The following MAPRE3 variants were observed in gnomAD, a reference collection of about 807,000 sequenced individuals.
MAPRE3 encodes the protein microtubule-associated protein RP/EB family member 3.
In MAPRE3, 2 loss-of-function variants were observed where a neutral mutation model predicts 30.5. That is an observed-to-expected ratio of 0.07 (90% CI 0.03 to 0.21). The LOEUF (loss-of-function observed/expected upper bound fraction) is 0.21, where lower values mean the gene tolerates loss of function less well. Among genes scored for constraint, MAPRE3 ranks in the 10% least tolerant of loss-of-function variants. MAPRE3 has a pLI of 1.00. For missense variants in MAPRE3, 204 were observed against 351.8 expected, an observed-to-expected ratio of 0.58 and a Z score of 3.36; for synonymous variants, 110 against 127.7, an observed-to-expected ratio of 0.86 and a Z score of 0.93.
rs936126887 is a variant in MAPRE3 at position 27,022,322 on chromosome 2, T to C, written c.104T>C (p.Ile35Thr). 1.2e-6 allele frequency: 2 copies of C among 1,614,070 alleles called. No homozygotes were observed. The highest frequency in any genetic ancestry group is 8.5e-7 in the Non-Finnish European group (1 of 1,180,008). ...TCCCTGCACCTCAACTATACCAAGA[T>C]AGAACAGCTTTGTTCAGGTAGGAGG... ...NDSLHLNYTK[I>T]EQLCSGAAYC... The change falls in exon 2 of 7, where the codon ATA becomes ACA. Residue 35 changes from isoleucine (I) to threonine (T), a missense_variant. Ile to Thr is a moderately conservative substitution (Grantham distance 89, BLOSUM62 -1). Around this residue, in one of 5 missense-constraint regions of MAPRE3, gnomAD observed 101 missense variants for 205.4 expected, o/e 0.49. Coordinates refer to ENST00000233121, the MANE Select transcript of MAPRE3 (RefSeq NM_012326.4).
At position 26,995,780 on chromosome 2, in the gene MAPRE3, GGTGTGTGTGT is replaced by G. The variant is rs1276648645; in HGVS notation, c.-8+25019_-8+25028del. On this transcript the variant is annotated intron_variant, in intron 1 of 6. Coordinates refer to ENST00000233121, the MANE Select transcript of MAPRE3 (RefSeq NM_012326.4). Reference sequence around the variant, plus strand: ...AATACCTGAGGGTCTTTCTAAGAGAGGTGTGTGTGTGTGTGTGTGTGTGTGTGTGTGTGTG... The same window carrying G: ...AATACCTGAGGGTCTTTCTAAGAGAGGTGTGTGTGTGTGTGTGTGTGTGTG... Among the ~76,000 whole-genome samples, 737 of 109,690 alleles carry G rather than the reference GGTGTGTGTGT, an allele frequency of 6.7e-3. 2 individuals are homozygous for G. The highest frequency in any genetic ancestry group is 0.014 in the African/African-American group (401 of 28,438). The allele number at this position is 109,690 out of a possible 152,430, so 72.0% of individuals were successfully genotyped here. A position where few individuals can be genotyped will look rare whatever the true frequency, so the allele number is the denominator to read the frequency against.
chr2:27,013,873 G>A (rs1039609634), intron 1 of MAPRE3: 2 of 152,234 alleles, frequency 1.3e-5, no homozygotes, highest in Non-Finnish European at 2.9e-5. Flanking sequence ...GCGTGATGGT[G>A]AACCTTTGGC....
At chr2:26,983,636 G>GT in intron 1 of MAPRE3, among the ~76,000 whole-genome samples, 1 of 152,276 alleles carries the variant, frequency 6.6e-6, no homozygotes, top group Middle Eastern at 3.4e-3. Flanking sequence ...AACTCAGATG[G>GT]TTCTCCCAGT....
intron 1 of MAPRE3, among the ~76,000 whole-genome samples, chr2:26,997,752 T>C (rs781488490): frequency 7.2e-5 from 11 of 152,216 alleles, no homozygotes; most frequent in Non-Finnish European, 1.3e-4. Context: ...GCAGGGTACA[T>C]ATATGCTTAA....
In MAPRE3 at chr2:27,007,485, C is replaced by T. The variant is rs534470119; in HGVS notation, c.-7-14727C>T. ...CTGGGATAAATTATGTTCTGCATAA[C>T]GAACTTTATTTTGACAATATTTTAG... On this transcript the variant is annotated intron_variant, in intron 1 of 6. Coordinates refer to ENST00000233121, the MANE Select transcript of MAPRE3 (RefSeq NM_012326.4). Among the ~76,000 whole-genome samples the T allele has an allele frequency of 1.4e-4, 21 of 152,300 alleles. No individual in the cohort carries two copies. In the East Asian group the frequency reaches 2.9e-3, roughly 21 times the overall value.
At chr2:27,025,238 G>A (rs919012835) in intron 4 of MAPRE3, among the ~76,000 whole-genome samples, 33 of 152,296 alleles carry the variant, frequency 2.2e-4, no homozygotes, top group South Asian at 1.7e-3. Context: ...CTATGAGTAC[G>A]AGAGGGTCCC....
intron 1 of MAPRE3, chr2:27,013,672 C>T (rs1341687139): frequency 1.3e-5 from 2 of 152,232 alleles, no homozygotes; most frequent in Non-Finnish European, 2.9e-5. Context: ...GCTTCAAAAG[C>T]ACAGCTCTGT....
chr2:26,981,328 G>A (rs1480437592), intron 1 of MAPRE3, among the ~76,000 whole-genome samples: 1 of 152,048 alleles, frequency 6.6e-6, no homozygotes, highest in Non-Finnish European at 1.5e-5. Context: ...ATGCAGTGAA[G>A]TAGCTGGCCC....
intron 1 of MAPRE3, among the ~76,000 whole-genome samples, chr2:26,989,515 CCTT>C (rs1487874669): frequency 6.6e-6 from 1 of 152,142 alleles, no homozygotes; most frequent in Non-Finnish European, 1.5e-5. Flanking sequence ...CTCTATGTAT[CCTT>C]CTGTAAAATG....
At position 27,025,659 on chromosome 2, in the gene MAPRE3, C is replaced by T. The variant is rs778203854; in HGVS notation, c.546C>T (p.Cys182=). 2 of 1,612,364 alleles carry T rather than the reference C, an allele frequency of 1.2e-6. No individual in the cohort carries two copies. Among genetic ancestry groups the T allele is most frequent in the Non-Finnish European group, 1.7e-6 (2 of 1,179,054 alleles). ...SGRLSNVAPP[C]ILRKNPPSAR... ...GGCTGAGCAATGTGGCCCCCCCCTG[C>T]ATTCTCCGGAAGAATCCTCCATCAG... Residue 182 remains cysteine, a synonymous_variant, in exon 5 of 7, where the codon TGC becomes TGT. Transcript: ENST00000233121.
At chr2:27,003,795 A>G (rs1302668389) in intron 1 of MAPRE3, among the ~76,000 whole-genome samples, 3 of 152,016 alleles carry the variant, frequency 2.0e-5, no homozygotes, top group Non-Finnish European at 4.4e-5. Flanking sequence ...CCTTCTCCTT[A>G]CCTAATTTCA....
chr2:27,010,590 G>A (rs979053220), intron 1 of MAPRE3, among the ~76,000 whole-genome samples: 28 of 151,898 alleles, frequency 1.8e-4, no homozygotes, highest in African/African-American at 3.9e-4. Flanking sequence ...TTACAGGTGC[G>A]TGTCACCATA....
intron 1 of MAPRE3, among the ~76,000 whole-genome samples, chr2:27,003,704 A>T (rs1182845445): frequency 5.3e-5 from 8 of 152,174 alleles, no homozygotes; most frequent in Admixed American, 3.3e-4. Context: ...TTTCCCCATG[A>T]GAGGGTGCTG....
chr2:27,005,141 C>G (rs984236347), intron 1 of MAPRE3, among the ~76,000 whole-genome samples: 5 of 152,104 alleles, frequency 3.3e-5, no homozygotes, highest in African/African-American at 4.8e-5. Context: ...ATATATCATG[C>G]CCTTTGACCC....
intron 1 of MAPRE3, among the ~76,000 whole-genome samples, chr2:26,996,115 A>AATTTTATTTT (rs60224906): frequency 0.061 from 8,025 of 130,620 alleles, 302 homozygotes; most frequent in African/African-American, 0.07. Flanking sequence ...AGAAGATAGG[A>AATTTTATTTT]ATTTTATTTT....
intron 1 of MAPRE3, among the ~76,000 whole-genome samples, chr2:26,977,255 A>G (rs542605261): frequency 2.6e-4 from 39 of 152,352 alleles, no homozygotes; most frequent in Admixed American, 1.6e-3. Flanking sequence ...TTAAGCAACT[A>G]TAACTTAATT....
In MAPRE3 at chr2:27,022,313, A is replaced by C; in HGVS notation, c.95A>C (p.Tyr32Ser). Residue 32 changes from tyrosine to serine, a missense_variant, in exon 2 of 7, where the codon TAT becomes TCT. Physicochemically the swap from Tyr to Ser is moderately radical, Grantham distance 144. Coordinates refer to ENST00000233121, the MANE Select transcript of MAPRE3 (RefSeq NM_012326.4). Reference protein sequence around the residue: ...AWVNDSLHLNYTKIEQLCSGA... With the variant: ...AWVNDSLHLNSTKIEQLCSGA... ...GTCAACGACTCCCTGCACCTCAACT[A>C]TACCAAGATAGAACAGCTTTGTTCA... 1 of 1,614,148 alleles carries C rather than the reference A, an allele frequency of 6.2e-7. No homozygotes were observed. The highest frequency in any genetic ancestry group is 1.1e-5 in the South Asian group (1 of 91,078).
At chr2:27,004,042 TGA>T (rs1666667046) in intron 1 of MAPRE3, among the ~76,000 whole-genome samples, 1 of 152,174 alleles carries the variant, frequency 6.6e-6, no homozygotes, top group Non-Finnish European at 1.5e-5. Flanking sequence ...TCCCCTTCCA[TGA>T]GTCATCTGTC....
At chr2:26,982,022 A>C (rs571146249) in intron 1 of MAPRE3, among the ~76,000 whole-genome samples, 2 of 151,832 alleles carry the variant, frequency 1.3e-5, no homozygotes, top group Non-Finnish European at 2.9e-5. Context: ...CTTGGGTTCT[A>C]CTCATTTTGT....
Sources: gnomAD v4.1 joint callset for allele counts (sites outside exome capture counted in the v4.1 genomes callset) on GRCh38, gnomAD v4.1.1 for gene constraint, gnomAD v4.1.1 regional missense constraint, MANE v1.5 for transcripts, NCBI Gene and HGNC (gene_info 2026-07-23, HGNC 2026-07-21) for gene names.